LCMT1: variants seen among roughly 807,000 people sequenced by gnomAD.
LCMT1 encodes [Phosphatase 2A protein]-leucine-carboxy methyltransferase 1.
LCMT1 carries 32 observed loss-of-function variants against 47.7 expected under a neutral mutation model. The observed-to-expected ratio is 0.67, with a 90% CI of 0.51 to 0.90. LCMT1 has a LOEUF of 0.90. Ranked by LOEUF, LCMT1 falls within the 40% of genes least tolerant of loss-of-function variation. LCMT1 has a pLI of 0.00. For missense variants in LCMT1, 375 were observed against 415.2 expected (o/e 0.90, Z 0.84); for synonymous variants, 152 against 149.7 (o/e 1.02, Z -0.11).
At chr16:25,125,835 A>ACAG (rs1555481689) in intron 1 of LCMT1, 2 of 94,230 alleles carry the variant, frequency 2.1e-5, no homozygotes, top group African/African-American at 1.4e-4. Context: ...TCCATCTCTA[A>ACAG]TAGTAATAAT....
intron 1 of LCMT1, among the ~76,000 whole-genome samples, chr16:25,112,570 T>C (rs925267920): frequency 1.3e-5 from 2 of 152,202 alleles, no homozygotes; most frequent in Non-Finnish European, 2.9e-5. Flanking sequence ...AGCTTGAGGC[T>C]TGAATGTCCA....
intron 9 of LCMT1, among the ~76,000 whole-genome samples, chr16:25,171,658 CGTT>C (rs1961777104): frequency 6.6e-6 from 1 of 152,116 alleles, no homozygotes; most frequent in Non-Finnish European, 1.5e-5. Flanking sequence ...AGGAAAACGA[CGTT>C]GTTCAAGGAC....
chr16:25,114,297 A>G (rs550378470), intron 1 of LCMT1, among the ~76,000 whole-genome samples: 9 of 152,266 alleles, frequency 5.9e-5, no homozygotes, highest in Non-Finnish European at 1.0e-4. Flanking sequence ...GTGCAGGTGA[A>G]ATGTGGAGTG....
At chr16:25,162,395 C>T (rs755439423) in intron 6 of LCMT1, among the ~76,000 whole-genome samples, 1 of 151,696 alleles carries the variant, frequency 6.6e-6, no homozygotes, top group Non-Finnish European at 1.5e-5. Context: ...TCGAGACCAG[C>T]CTGGCCAGCA....
chr16:25,169,621 T>C (rs182171), intron 8 of LCMT1: 37,401 of 162,564 alleles, frequency 0.23, 4,483 homozygotes, highest in East Asian at 0.34. Flanking sequence ...TAAATACACA[T>C]GTGAATCACC....
intron 5 of LCMT1, among the ~76,000 whole-genome samples, chr16:25,154,156 C>A (rs914184925): frequency 7.3e-5 from 11 of 151,558 alleles, no homozygotes; most frequent in Admixed American, 6.6e-4. Flanking sequence ...ATTACAGGCA[C>A]GCGCCACCAC....
rs768980746 is a variant in LCMT1 at position 25,178,099 on chromosome 16, G to T, written c.*76G>T. The T allele has an allele frequency of 6.9e-7, 1 of 1,450,104 alleles. No homozygotes were observed. The highest frequency in any genetic ancestry group is 9.6e-7 in the Non-Finnish European group (1 of 1,036,714). The allele number at this position is 1,450,104 out of a possible 1,614,324, so 89.8% of individuals were successfully genotyped here. A position where few individuals can be genotyped will look rare whatever the true frequency, so the allele number is the denominator to read the frequency against. On this transcript the variant is annotated 3_prime_UTR_variant, in exon 11 of 11. Transcript: ENST00000399069. The stretch of plus-strand genomic sequence containing the variant: ...GAGGAGACCTGCAAGCTCCCTGAGC[G>T]GTGGGCGGGCCTCGTCCGCAGGTCT...
chr16:25,164,726 G>A lies in LCMT1; in HGVS notation c.690+8G>A. 6.2e-7 allele frequency: 1 copy of A among 1,613,938 alleles called. No individual in the cohort carries two copies. Among genetic ancestry groups the A allele is most frequent in the Non-Finnish European group, 8.5e-7 (1 of 1,179,842 alleles). The stretch of plus-strand genomic sequence containing the variant: ...TTCATAAACTACGAACAGGTAAAAG[G>A]AAGCACAGGAGAACTGGATTCCATA... On this transcript the variant is annotated splice_region_variant and intron_variant, in intron 7 of 10. Transcript: ENST00000399069.
intron 1 of LCMT1, among the ~76,000 whole-genome samples, chr16:25,116,375 T>A (rs1391003133): frequency 6.6e-6 from 1 of 152,176 alleles, no homozygotes; most frequent in East Asian, 1.9e-4. Flanking sequence ...ACAGTGACCT[T>A]GCTTTTTTCT....
chr16:25,167,005 T>G (rs1961609185), intron 7 of LCMT1, among the ~76,000 whole-genome samples: 1 of 152,216 alleles, frequency 6.6e-6, no homozygotes, highest in Non-Finnish European at 1.5e-5. Context: ...TACTGCTGCT[T>G]TCCCTTTCCT....
chr16:25,147,182 A>G (rs1231384032), intron 4 of LCMT1: 1 of 152,186 alleles, frequency 6.6e-6, no homozygotes, highest in East Asian at 1.9e-4. Flanking sequence ...AAAATCTACC[A>G]AAGTGTTTTT....
chr16:25,150,817 T>A (rs1961055914), intron 4 of LCMT1, among the ~76,000 whole-genome samples: 2 of 152,190 alleles, frequency 1.3e-5, no homozygotes, highest in South Asian at 4.1e-4. Flanking sequence ...AGCTTTATTT[T>A]TTCTAGATCC....
intron 1 of LCMT1, among the ~76,000 whole-genome samples, chr16:25,112,583 A>T (rs897200884): frequency 6.6e-6 from 1 of 152,156 alleles, no homozygotes; most frequent in Non-Finnish European, 1.5e-5. Context: ...AATGTCCACC[A>T]TTTATTCTTT....
intron 2 of LCMT1, among the ~76,000 whole-genome samples, chr16:25,128,962 G>A (rs575456335): frequency 7.0e-6 from 1 of 143,098 alleles, no homozygotes; most frequent in South Asian, 2.3e-4. Context: ...TGCATGCAGG[G>A]CTTAAAAATC....
chr16:25,120,731 G>GTTTTTTTTTTTTTTTTT (rs1434579218), intron 1 of LCMT1, among the ~76,000 whole-genome samples: 1 of 132,402 alleles, frequency 7.6e-6, no homozygotes, highest in African/African-American at 2.9e-5. Context: ...ACCTGGCCTT[G>GTTTTTTTTTTTTTTTTT]TTTTTTTGTT....
At chr16:25,113,434 A>C (rs1263608751) in intron 1 of LCMT1, among the ~76,000 whole-genome samples, 1 of 152,208 alleles carries the variant, frequency 6.6e-6, no homozygotes, top group Non-Finnish European at 1.5e-5. Context: ...GGAAATTACT[A>C]AACTTTTCTG....
intron 5 of LCMT1, among the ~76,000 whole-genome samples, chr16:25,158,466 CA>C (rs1335204809): frequency 4.3e-4 from 65 of 152,218 alleles, no homozygotes; most frequent in African/African-American, 1.5e-3. Context: ...CTGTAAGTAT[CA>C]CACAAAATGA....
chr16:25,134,730 A>G (rs538046698), intron 3 of LCMT1, among the ~76,000 whole-genome samples: 6 of 152,266 alleles, frequency 3.9e-5, no homozygotes, highest in South Asian at 2.1e-4. Flanking sequence ...CCTCCCCAGT[A>G]GTTGGGATTA....
intron 1 of LCMT1, among the ~76,000 whole-genome samples, chr16:25,124,956 AT>A (rs1484338129): frequency 6.6e-6 from 1 of 152,250 alleles, no homozygotes; most frequent in Non-Finnish European, 1.5e-5. Context: ...GACACACTAA[AT>A]TGAACAGGTG....
Sources: gnomAD v4.1 joint callset for allele counts (sites outside exome capture counted in the v4.1 genomes callset) on GRCh38, gnomAD v4.1.1 for gene constraint, MANE v1.5 for transcripts, NCBI Gene and HGNC (gene_info 2026-07-23, HGNC 2026-07-21) for gene names.